Variants in MAPDA observed in about 807,000 individuals in gnomAD.
MAPDA encodes N6-Methyl-AMP deaminase.
At chr15:43,352,065 C>A in the MAPDA span, 1 of 984,778 alleles carries the variant, frequency 1.0e-6, no homozygotes, top group Non-Finnish European at 1.5e-6. Context: ...TGGGCTCTAT[C>A]ACCAGCACCT....
At chr15:43,335,187 A>G in the MAPDA span, 2 of 1,610,866 alleles carry the variant, frequency 1.2e-6, no homozygotes, top group Non-Finnish European at 1.7e-6. Context: ...ATTCAACTAC[A>G]GAAATCTTGA....
the MAPDA span, among the ~76,000 whole-genome samples, chr15:43,339,893 C>T: frequency 6.6e-6 from 1 of 152,190 alleles, no homozygotes; most frequent in Admixed American, 6.5e-5. Context: ...ATGTGCATTT[C>T]CTAGCAGTCT....
At chr15:43,352,073 C>T in the MAPDA span, 2 of 879,644 alleles carry the variant, frequency 2.3e-6, no homozygotes, top group Non-Finnish European at 3.4e-6. Flanking sequence ...ATCACCAGCA[C>T]CTTACACATG....
the MAPDA span, among the ~76,000 whole-genome samples, chr15:43,338,901 T>C: frequency 6.6e-6 from 1 of 152,244 alleles, no homozygotes; most frequent in South Asian, 2.1e-4. Flanking sequence ...TACAGGTACC[T>C]AGCCACTCAG....
chr15:43,333,980 T>C, the MAPDA span, among the ~76,000 whole-genome samples: 1 of 152,236 alleles, frequency 6.6e-6, no homozygotes, highest in South Asian at 2.1e-4. Flanking sequence ...TGCTAAGTGT[T>C]AGAGTGGTGG....
At chr15:43,340,725 A>G in the MAPDA span, among the ~76,000 whole-genome samples, 6 of 152,208 alleles carry the variant, frequency 3.9e-5, no homozygotes, top group African/African-American at 1.4e-4. Flanking sequence ...TTAAGTAAAA[A>G]GTAGTAAAAT....
the MAPDA span, among the ~76,000 whole-genome samples, chr15:43,337,169 G>A: frequency 2.0e-5 from 3 of 151,540 alleles, no homozygotes; most frequent in Admixed American, 6.6e-5. Flanking sequence ...CCAGCTACTC[G>A]GGAGGCTGAG....
the MAPDA span, chr15:43,353,091 T>C: frequency 6.6e-6 from 1 of 152,078 alleles, no homozygotes; most frequent in Non-Finnish European, 1.5e-5. Context: ...ACCTTAGTAC[T>C]CACTTTCTGC....
At chr15:43,333,461 A>G in the MAPDA span, 2 of 152,042 alleles carry the variant, frequency 1.3e-5, no homozygotes, top group Middle Eastern at 3.4e-3. Context: ...TAATTAAATC[A>G]TTTATGTTTT....
At chr15:43,344,298 A>G in the MAPDA span, among the ~76,000 whole-genome samples, 6 of 152,234 alleles carry the variant, frequency 3.9e-5, no homozygotes, top group African/African-American at 1.4e-4. Flanking sequence ...GAGGATAATT[A>G]CATTATGGTA....
chr15:43,334,967 A>C, the MAPDA span: 1 of 661,272 alleles, frequency 1.5e-6, no homozygotes, highest in Non-Finnish European at 2.6e-6. Context: ...CCAGATCTAC[A>C]CATACAGCTA....
chr15:43,352,254 C>A, the MAPDA span: 2 of 246,766 alleles, frequency 8.1e-6, no homozygotes, highest in Non-Finnish European at 7.7e-6. Flanking sequence ...CGAAGTTTCT[C>A]ATCAGGAAAT....
chr15:43,337,940 A>G, the MAPDA span, among the ~76,000 whole-genome samples: 4 of 152,216 alleles, frequency 2.6e-5, no homozygotes, highest in Non-Finnish European at 4.4e-5. Flanking sequence ...AGACACACAC[A>G]TAAGGATTTA....
At chr15:43,340,247 C>T in the MAPDA span, 25 of 1,607,220 alleles carry the variant, frequency 1.6e-5, no homozygotes, top group African/African-American at 6.7e-5. Flanking sequence ...ATATTGTGTA[C>T]GTTATCTTTA....
the MAPDA span, among the ~76,000 whole-genome samples, chr15:43,344,886 A>G: frequency 6.6e-6 from 1 of 152,108 alleles, no homozygotes; most frequent in Non-Finnish European, 1.5e-5. Flanking sequence ...TATTTGAGGA[A>G]TGAACTTTTA....
At chr15:43,337,275 C>CAA in the MAPDA span, among the ~76,000 whole-genome samples, 597 of 60,986 alleles carry the variant, frequency 9.8e-3, 15 homozygotes, top group East Asian at 0.18. Context: ...GACTCCGTCT[C>CAA]AAAAAAAAAA....
chr15:43,336,371 T>C, the MAPDA span, among the ~76,000 whole-genome samples: 2 of 152,282 alleles, frequency 1.3e-5, no homozygotes, highest in Admixed American at 6.5e-5. Flanking sequence ...TTTGAAAATA[T>C]AGGCATATTG....
the MAPDA span, chr15:43,352,663 C>T: frequency 3.3e-5 from 5 of 152,316 alleles, no homozygotes; most frequent in African/African-American, 1.2e-4. Context: ...AGCTGTGATG[C>T]TACAGCACTC....
the MAPDA span, chr15:43,349,027 C>T: frequency 6.2e-7 from 1 of 1,614,172 alleles, no homozygotes; most frequent in Non-Finnish European, 8.5e-7. Flanking sequence ...CTTTGTGAGG[C>T]AACATCGGAT....
Sources: gnomAD v4.1 joint callset for allele counts (sites outside exome capture counted in the v4.1 genomes callset) on GRCh38, gnomAD v4.1.1 for gene constraint, MANE v1.5 for transcripts, NCBI Gene and HGNC (gene_info 2026-07-23, HGNC 2026-07-21) for gene names.